Variants in PDE4D observed in about 807,000 individuals in gnomAD.
PDE4D encodes the protein phosphodiesterase 4D.
PDE4D carries 24 observed loss-of-function variants against 87.4 expected under a neutral mutation model. That is an observed-to-expected ratio of 0.27 (90% CI 0.20 to 0.39). The LOEUF (loss-of-function observed/expected upper bound fraction) is 0.39, where lower values mean the gene tolerates loss of function less well. PDE4D is among the 10% of genes least tolerant of loss of function. PDE4D has a pLI of 1.00. For synonymous variants in PDE4D, 384 were observed against 383.2 expected, an observed-to-expected ratio of 1.00 and a Z score of -0.02; for missense variants, 714 against 1,041.0, an observed-to-expected ratio of 0.69 and a Z score of 4.32.
At chr5:59,524,742 G>A (rs1159544241) in intron 1 of PDE4D, among the ~76,000 whole-genome samples, 1 of 152,176 alleles carries the variant, frequency 6.6e-6, no homozygotes, top group African/African-American at 2.4e-5. Context: ...GTGGGCCTAG[G>A]GTCCCCCTGC....
intron 1 of PDE4D, among the ~76,000 whole-genome samples, chr5:59,767,765 C>T (rs898369172): frequency 3.3e-5 from 5 of 152,092 alleles, no homozygotes; most frequent in Admixed American, 1.3e-4. Flanking sequence ...TGAGGAAGGG[C>T]TTTATGAAGA....
chr5:60,374,910 C>A (rs543587257), intron 1 of PDE4D, among the ~76,000 whole-genome samples: 7 of 151,828 alleles, frequency 4.6e-5, no homozygotes, highest in East Asian at 1.9e-4. Flanking sequence ...TTCTTTATAA[C>A]CTTTAGGGAA....
intron 5 of PDE4D, among the ~76,000 whole-genome samples, chr5:59,129,733 C>G (rs905668757): frequency 4.6e-5 from 7 of 152,032 alleles, no homozygotes; most frequent in African/African-American, 9.7e-5. Flanking sequence ...ACATTCTGGT[C>G]GCGAATGGTG....
At chr5:59,023,514 G>T (rs975694306) in intron 6 of PDE4D, among the ~76,000 whole-genome samples, 18 of 151,802 alleles carry the variant, frequency 1.2e-4, no homozygotes, top group Admixed American at 3.9e-4. Context: ...CAGAAAAGCC[G>T]GTCTGGTGGC....
intron 1 of PDE4D, among the ~76,000 whole-genome samples, chr5:59,757,190 A>G (rs956904072): frequency 6.6e-6 from 1 of 152,192 alleles, no homozygotes; most frequent in Non-Finnish European, 1.5e-5. Context: ...TGACAAATAA[A>G]TGTCAACACA....
chr5:60,018,041 T>A (rs1297653107), intron 2 of PDE4D, among the ~76,000 whole-genome samples: 1 of 152,144 alleles, frequency 6.6e-6, no homozygotes, highest in Non-Finnish European at 1.5e-5. Context: ...ATTTCTGTAA[T>A]GATCAATGAT....
At chr5:60,273,079 G>C (rs978473593) in intron 1 of PDE4D, among the ~76,000 whole-genome samples, 1 of 152,122 alleles carries the variant, frequency 6.6e-6, no homozygotes, top group African/African-American at 2.4e-5. Flanking sequence ...GCTAAGGGCA[G>C]AGTGAAGAAG....
At chr5:59,375,389 A>G (rs1784541452) in intron 1 of PDE4D, among the ~76,000 whole-genome samples, 1 of 152,222 alleles carries the variant, frequency 6.6e-6, no homozygotes, top group African/African-American at 2.4e-5. Context: ...ACAAACAACC[A>G]TCAGAGAGTA....
intron 1 of PDE4D, among the ~76,000 whole-genome samples, chr5:59,282,556 T>A (rs1766028987): frequency 6.7e-6 from 1 of 148,950 alleles, no homozygotes; most frequent in Non-Finnish European, 1.5e-5. Context: ...GGCAGGAGAA[T>A]TGCTTCAACT....
intron 3 of PDE4D, among the ~76,000 whole-genome samples, chr5:59,917,305 C>T (rs1754173264): frequency 6.6e-6 from 1 of 152,098 alleles, no homozygotes; most frequent in Admixed American, 6.5e-5. Context: ...CCAAGCTGAA[C>T]TCTAACCATC....
intron 1 of PDE4D, among the ~76,000 whole-genome samples, chr5:60,349,732 T>C (rs1351306191): frequency 3.3e-5 from 5 of 152,294 alleles, no homozygotes; most frequent in African/African-American, 1.2e-4. Flanking sequence ...TTTTTTTATA[T>C]AGCAGGTAAG....
chr5:59,241,263 C>G (rs1055080183), intron 1 of PDE4D, among the ~76,000 whole-genome samples: 1 of 152,190 alleles, frequency 6.6e-6, no homozygotes, highest in Non-Finnish European at 1.5e-5. Flanking sequence ...TGCTACCCTG[C>G]CTGGCCCTGA....
intron 1 of PDE4D, among the ~76,000 whole-genome samples, chr5:59,323,239 G>A (rs995608241): frequency 6.6e-6 from 1 of 151,992 alleles, no homozygotes; most frequent in African/African-American, 2.4e-5. Flanking sequence ...AAGAACATCA[G>A]ATTCTCCCAC....
At chr5:59,627,847 T>C (rs925869159) in intron 1 of PDE4D, among the ~76,000 whole-genome samples, 1 of 152,182 alleles carries the variant, frequency 6.6e-6, no homozygotes, top group African/African-American at 2.4e-5. Flanking sequence ...AGAATCTATA[T>C]ACTTTCCAGG....
intron 1 of PDE4D, among the ~76,000 whole-genome samples, chr5:59,606,602 T>C (rs1346013437): frequency 6.6e-6 from 1 of 152,104 alleles, no homozygotes; most frequent in East Asian, 1.9e-4. Flanking sequence ...AGACCAGAAT[T>C]GTCCTGTGGA....
At chr5:60,142,515 G>T (rs1351951366) in intron 2 of PDE4D, among the ~76,000 whole-genome samples, 2 of 152,172 alleles carry the variant, frequency 1.3e-5, no homozygotes, top group African/African-American at 4.8e-5. Flanking sequence ...GCTTTGTGAA[G>T]CAGATGAAAT....
chr5:60,263,564 A>G (rs2149708282), intron 1 of PDE4D, among the ~76,000 whole-genome samples: 1 of 152,328 alleles, frequency 6.6e-6, no homozygotes, highest in South Asian at 2.1e-4. Flanking sequence ...AAGTTGCCTG[A>G]TTGCTCTTGC....
chr5:60,052,137 C>A (rs578093993), intron 2 of PDE4D, among the ~76,000 whole-genome samples: 3 of 152,298 alleles, frequency 2.0e-5, no homozygotes, highest in African/African-American at 7.2e-5. Context: ...ACCATTCCTT[C>A]TGAAACTACT....
At chr5:59,579,793 T>G (rs1031633276) in intron 1 of PDE4D, among the ~76,000 whole-genome samples, 2 of 152,190 alleles carry the variant, frequency 1.3e-5, no homozygotes, top group African/African-American at 4.8e-5. Flanking sequence ...TAGTTTGCAT[T>G]TCTACTTCAT....
Sources: gnomAD v4.1 joint callset for allele counts (sites outside exome capture counted in the v4.1 genomes callset) on GRCh38, gnomAD v4.1.1 for gene constraint, MANE v1.5 for transcripts, NCBI Gene and HGNC (gene_info 2026-07-23, HGNC 2026-07-21) for gene names.